ARSB: variants seen among roughly 807,000 people sequenced by gnomAD.
The protein encoded by ARSB is arylsulfatase B, also known as N-acetylgalactosamine-4-sulfatase.
Under a neutral mutation model 50.9 loss-of-function variants are expected in ARSB, and 41 were observed. The observed-to-expected ratio is 0.81, with a 90% CI of 0.63 to 1.04. ARSB has a LOEUF of 1.04. Ranked by LOEUF, ARSB falls within the 50% of genes least tolerant of loss-of-function variation. The pLI is 0.00. For missense variants in ARSB, 672 were observed against 693.3 expected (o/e 0.97, Z 0.35); for synonymous variants, 269 against 284.8 (o/e 0.94, Z 0.56).
intron 6 of ARSB, among the ~76,000 whole-genome samples, chr5:78,795,483 G>A (rs900315187): frequency 1.3e-5 from 2 of 152,128 alleles, no homozygotes; most frequent in African/African-American, 2.4e-5. Flanking sequence ...GCCACCCCTC[G>A]GGGCCTGTGC....
chr5:78,809,352 C>T (rs981764826), intron 6 of ARSB, among the ~76,000 whole-genome samples: 1 of 152,320 alleles, frequency 6.6e-6, no homozygotes. Flanking sequence ...GTCACTTGGG[C>T]AACGGGAACA....
At chr5:78,818,903 T>C (rs1185617206) in intron 6 of ARSB, among the ~76,000 whole-genome samples, 1 of 152,158 alleles carries the variant, frequency 6.6e-6, no homozygotes, top group Non-Finnish European at 1.5e-5. Flanking sequence ...CAAGCAGTTG[T>C]TTATAGATGC....
intron 5 of ARSB, among the ~76,000 whole-genome samples, chr5:78,858,875 A>G (rs988056575): frequency 3.3e-5 from 5 of 152,142 alleles, no homozygotes; most frequent in Admixed American, 6.5e-5. Flanking sequence ...ACACTCTCTC[A>G]CTAAATCCTC....
chr5:78,799,830 C>A (rs1743314238), intron 6 of ARSB, among the ~76,000 whole-genome samples: 1 of 152,152 alleles, frequency 6.6e-6, no homozygotes, highest in Non-Finnish European at 1.5e-5. Context: ...CCTCTCCTGG[C>A]TCTCATAGGG....
intron 6 of ARSB, among the ~76,000 whole-genome samples, chr5:78,812,592 AACACACACACACACAC>A (rs66597603): frequency 6.9e-6 from 1 of 144,260 alleles, no homozygotes; most frequent in Admixed American, 6.9e-5. Context: ...ATTCTGTTCA[AACACACACACACACAC>A]ACACACACAC....
At chr5:78,975,693 A>G (rs1752635295) in intron 1 of ARSB, among the ~76,000 whole-genome samples, 1 of 152,232 alleles carries the variant, frequency 6.6e-6, no homozygotes, top group African/African-American at 2.4e-5. Flanking sequence ...AATTTCTTAA[A>G]AAAGAAGTAA....
At chr5:78,867,360 G>A (rs1186333017) in intron 5 of ARSB, among the ~76,000 whole-genome samples, 1 of 151,922 alleles carries the variant, frequency 6.6e-6, no homozygotes, top group Non-Finnish European at 1.5e-5. Context: ...CCACCTCTGG[G>A]GGCAGGGCAC....
chr5:78,921,329 T>C (rs934275523), intron 4 of ARSB, among the ~76,000 whole-genome samples: 1 of 152,170 alleles, frequency 6.6e-6, no homozygotes, highest in Admixed American at 6.5e-5. Context: ...CTAGTCTGAA[T>C]TGAGGTGTTC....
At chr5:78,960,016 C>G (rs1449926328) in intron 3 of ARSB, among the ~76,000 whole-genome samples, 1 of 152,216 alleles carries the variant, frequency 6.6e-6, no homozygotes, top group Non-Finnish European at 1.5e-5. Context: ...AGCCTGATCT[C>G]TCCCCTGCTT....
intron 5 of ARSB, among the ~76,000 whole-genome samples, chr5:78,857,463 A>G (rs1746209674): frequency 6.6e-6 from 1 of 152,240 alleles, no homozygotes; most frequent in African/African-American, 2.4e-5. Context: ...TTTGTGAAAT[A>G]AAAATCTCTA....
At chr5:78,942,015 G>A (rs1750956010) in intron 4 of ARSB, among the ~76,000 whole-genome samples, 1 of 152,156 alleles carries the variant, frequency 6.6e-6, no homozygotes, top group African/African-American at 2.4e-5. Context: ...TCTTGGGAGG[G>A]TGTATGTATC....
At chr5:78,820,408 G>T (rs928969933) in intron 6 of ARSB, among the ~76,000 whole-genome samples, 2 of 151,902 alleles carry the variant, frequency 1.3e-5, no homozygotes, top group African/African-American at 4.8e-5. Context: ...TAAAAATACA[G>T]AAATTAGCTG....
At position 78,801,545 on chromosome 5, in the gene ARSB, C is replaced by T. The variant is rs571593038; in HGVS notation, c.1214-19571G>A. On this transcript the variant is annotated intron_variant, in intron 6 of 7. Coordinates refer to ENST00000264914, the MANE Select transcript of ARSB (RefSeq NM_000046.5). ...AGTGCTGATGGATTTGCCACAGGTGCACTCTCACTCACACTCCTCAGCACG... is the reference window on the plus strand; with the variant it reads ...AGTGCTGATGGATTTGCCACAGGTGTACTCTCACTCACACTCCTCAGCACG... Among the ~76,000 whole-genome samples, 19 of 152,322 alleles carry T rather than the reference C, an allele frequency of 1.2e-4. No individual in the cohort carries two copies. In the South Asian group the frequency reaches 3.7e-3, roughly 30 times the overall value.
At chr5:78,906,149 G>C (rs539370231) in intron 4 of ARSB, among the ~76,000 whole-genome samples, 19 of 148,142 alleles carry the variant, frequency 1.3e-4, no homozygotes, top group Admixed American at 3.3e-4. Flanking sequence ...TGATCCAATC[G>C]CTAACCAAAC....
At chr5:78,798,957 G>A (rs1743275946) in intron 6 of ARSB, among the ~76,000 whole-genome samples, 1 of 152,184 alleles carries the variant, frequency 6.6e-6, no homozygotes, top group Admixed American at 6.5e-5. Context: ...CTTGCCAAAG[G>A]TAAAAAAGCA....
intron 6 of ARSB, among the ~76,000 whole-genome samples, chr5:78,812,846 C>G (rs1743865320): frequency 1.3e-5 from 2 of 152,004 alleles, no homozygotes; most frequent in African/African-American, 4.8e-5. Context: ...CAAAAATTAA[C>G]CGGGCATGGT....
At chr5:78,807,170 C>A (rs1743595627) in intron 6 of ARSB, among the ~76,000 whole-genome samples, 1 of 152,206 alleles carries the variant, frequency 6.6e-6, no homozygotes, top group Admixed American at 6.5e-5. Flanking sequence ...TGTTAAGCTA[C>A]TGGACTTAAG....
At chr5:78,793,091 G>A (rs985779776) in intron 6 of ARSB, among the ~76,000 whole-genome samples, 1 of 147,380 alleles carries the variant, frequency 6.8e-6, no homozygotes, top group African/African-American at 2.7e-5. Context: ...CCTTAGTCTA[G>A]CCCAGCTGAG....
intron 6 of ARSB, among the ~76,000 whole-genome samples, chr5:78,807,142 A>G (rs61455912): frequency 0.069 from 10,524 of 152,220 alleles, 424 homozygotes; most frequent in East Asian, 0.1. Flanking sequence ...GGCCAAGAAA[A>G]AAATCCACTC....
Sources: allele counts gnomAD v4.1 joint callset (sites outside exome capture counted in the v4.1 genomes callset), GRCh38; gene constraint gnomAD v4.1.1; transcripts MANE v1.5; gene names NCBI Gene and HGNC (gene_info 2026-07-23, HGNC 2026-07-21).